The following CSAD variants were observed in gnomAD, a reference collection of about 807,000 sequenced individuals.
The protein encoded by CSAD is cysteine sulfinic acid decarboxylase, also known as P-selectin cytoplasmic tail-associated protein.
A neutral mutation model predicts 61.5 loss-of-function variants in CSAD; 47 were observed. The observed-to-expected ratio is 0.76, with a 90% CI of 0.60 to 0.97. The LOEUF (loss-of-function observed/expected upper bound fraction) is 0.97. Among genes scored for constraint, CSAD ranks in the 50% least tolerant of loss-of-function variants. CSAD has a pLI of 0.00. For synonymous variants in CSAD, 245 were observed against 252.7 expected (o/e 0.97, Z 0.29); for missense variants, 611 against 643.6 (o/e 0.95, Z 0.55).
At chr12:53,170,722 G>GTTTTT in intron 8 of CSAD, 2 of 448,192 alleles carry the variant, frequency 4.5e-6, no homozygotes, top group Non-Finnish European at 4.1e-6. Context: ...GCATTTGTTT[G>GTTTTT]TTTTTTTTTT....
chr12:53,168,164 C>A (rs1278227991), intron 10 of CSAD, among the ~76,000 whole-genome samples: 1 of 152,158 alleles, frequency 6.6e-6, no homozygotes, highest in Non-Finnish European at 1.5e-5. Flanking sequence ...TCACAACAGG[C>A]AAATCTATAC....
At position 53,158,659 on chromosome 12, in the gene CSAD, A is replaced by G; in HGVS notation, c.1334T>C (p.Met445Thr). 1 of 1,614,084 alleles carries G rather than the reference A, an allele frequency of 6.2e-7. No homozygotes were observed. Among genetic ancestry groups the G allele is most frequent in the Non-Finnish European group, 8.5e-7 (1 of 1,180,014 alleles). Residue 445 changes from methionine (M) to threonine (T), a missense_variant, in exon 17 of 17, where the codon ATG (methionine) becomes ACG (threonine). Transcript: ENST00000444623. Reference sequence around the variant, plus strand: ...AATCATCATGGAGCCCTCCTTCACCATGCGCTCCTTGAGCACGGGGGCCAC... The same window carrying G: ...AATCATCATGGAGCCCTCCTTCACCGTGCGCTCCTTGAGCACGGGGGCCAC... ...SKVAPVLKER[M>T]VKEGSMMIGY... is the part of the protein sequence containing the mutation.
intron 10 of CSAD, among the ~76,000 whole-genome samples, chr12:53,169,666 A>C (rs955419807): frequency 6.6e-6 from 1 of 152,102 alleles, no homozygotes; most frequent in Non-Finnish European, 1.5e-5. Flanking sequence ...TAGCAGTTAC[A>C]TACCCCTCGA....
chr12:53,171,512 T>A, intron 7 of CSAD, 71 bp from the exon 8 acceptor site: 1 of 1,454,726 alleles, frequency 6.9e-7, no homozygotes, highest in Admixed American at 2.0e-5. Flanking sequence ...CTCCCTTCCC[T>A]TTCTACCAGA....
chr12:53,180,615 C>T (rs1376413574), intron 1 of CSAD, 117 bp downstream of exon 1: 2 of 1,283,794 alleles, frequency 1.6e-6, no homozygotes, highest in Admixed American at 2.3e-5. Flanking sequence ...TCTGAGGCTG[C>T]CCCCGCTAGT....
intron 1 of CSAD, 47 bp downstream of exon 1, chr12:53,180,685 G>T (rs1207103559): frequency 1.6e-6 from 2 of 1,274,856 alleles, no homozygotes; most frequent in South Asian, 2.5e-5. Context: ...GGGGGAGGGG[G>T]AAGTGCTTCC....
chr12:53,180,111 T>C (rs1941451698), intron 1 of CSAD: 3 of 1,343,182 alleles, frequency 2.2e-6, no homozygotes, highest in African/African-American at 3.0e-5. Flanking sequence ...AGGTGAGCAG[T>C]GTGGCCAAGG....
In CSAD at chr12:53,179,617, G is replaced by A. The variant is rs1038331298; in HGVS notation, c.-90-475C>T. 11 of 632,258 alleles carry A rather than the reference G, an allele frequency of 1.7e-5. 1 individual carries two copies. The highest frequency in any genetic ancestry group is 4.0e-5 in the South Asian group (2 of 50,444). The allele number at this position is 632,258 out of a possible 1,614,324, so 39.2% of individuals were successfully genotyped here. On this transcript the variant is annotated intron_variant, in intron 1 of 16. Transcript: ENST00000444623. ...AGAATGATCCTAAAACACAAAAAAC[G>A]TACTTTCAATGGCCCAAATCATGGA... is the stretch of plus-strand genomic sequence containing the variant.
chr12:53,180,477 T>G, intron 1 of CSAD: 5 of 1,184,392 alleles, frequency 4.2e-6, no homozygotes, highest in Non-Finnish European at 5.3e-6. Flanking sequence ...TCAGTCTCGA[T>G]GGCGGCCGGG....
At chr12:53,170,903 T>C (rs1940496984) in intron 8 of CSAD, 1 of 371,292 alleles carries the variant, frequency 2.7e-6, no homozygotes. Context: ...TGTATTTTAG[T>C]AAAGAGGGGG....
intron 10 of CSAD, among the ~76,000 whole-genome samples, chr12:53,162,685 G>A (rs558709948): frequency 1.9e-4 from 29 of 152,266 alleles, no homozygotes; most frequent in African/African-American, 2.2e-4. Context: ...CACTTTGGGA[G>A]GCCAAGGCAG....
intron 2 of CSAD, among the ~76,000 whole-genome samples, chr12:53,176,978 AC>A (rs1248784923): frequency 1.3e-5 from 2 of 151,934 alleles, no homozygotes; most frequent in Non-Finnish European, 2.9e-5. Context: ...CAATCCTCCC[AC>A]CTCAGCCTCC....
rs1941466090 is a variant in CSAD, at chr12:53,180,238, C to G, written c.-91+494G>C. 6.1e-6 allele frequency: 6 copies of G among 985,270 alleles called. No individual in the cohort carries two copies. The South Asian group carries it at 2.8e-4, about 46-fold the overall frequency. 61.0% of individuals were successfully genotyped at this position (985,270 alleles called of 1,614,324 possible). ...GACCCCAAAATCTGCTAATCTGGGCCTGACGGAAAAAATTCGGAGAAGAAC... is the reference window on the plus strand; with the variant it reads ...GACCCCAAAATCTGCTAATCTGGGCGTGACGGAAAAAATTCGGAGAAGAAC... On this transcript the variant is annotated intron_variant, in intron 1 of 16. Coordinates refer to ENST00000444623, the MANE Select transcript of CSAD (RefSeq NM_001244705.2).
At chr12:53,180,532 C>A in intron 1 of CSAD, 200 bp downstream of exon 1, 1 of 1,277,382 alleles carries the variant, frequency 7.8e-7, no homozygotes, top group African/African-American at 1.6e-5. Context: ...GCGCTCCCTC[C>A]TCCATGCCCT....
chr12:53,172,920 G>A (rs1940756709), intron 4 of CSAD, among the ~76,000 whole-genome samples: 1 of 152,192 alleles, frequency 6.6e-6, no homozygotes, highest in African/African-American at 2.4e-5. Flanking sequence ...AGAAAGAGAA[G>A]GCTTGGGCCA....
intron 2 of CSAD, among the ~76,000 whole-genome samples, chr12:53,175,682 A>G (rs1941051841): frequency 1.3e-5 from 2 of 152,204 alleles, no homozygotes; most frequent in Admixed American, 1.3e-4. Context: ...GGCATTACAT[A>G]AACATTTGTT....
intron 10 of CSAD, among the ~76,000 whole-genome samples, chr12:53,167,122 G>A (rs12311538): frequency 5.7e-4 from 86 of 152,120 alleles, no homozygotes; most frequent in African/African-American, 1.8e-3. Context: ...AAATAAAACA[G>A]TTCCACACAC....
At chr12:53,175,651 TCCCCCAGGGA>T (rs1309867257) in intron 2 of CSAD, among the ~76,000 whole-genome samples, 1 of 151,994 alleles carries the variant, frequency 6.6e-6, no homozygotes, top group Admixed American at 6.5e-5. Context: ...TCCTCTCCCC[TCCCCCAGGGA>T]CTTGCACAGA....
chr12:53,181,105 C>CT (rs1941601345), upstream of CSAD: 1 of 950,566 alleles, frequency 1.1e-6, no homozygotes, highest in Non-Finnish European at 1.3e-6. Context: ...TCTCGGCACT[C>CT]TCCGGCTCTG....
Sources: allele counts gnomAD v4.1 joint callset (sites outside exome capture counted in the v4.1 genomes callset), GRCh38; gene constraint gnomAD v4.1.1; transcripts MANE v1.5; gene names NCBI Gene and HGNC (gene_info 2026-07-23, HGNC 2026-07-21).